The following WIPF1 variants were observed in gnomAD, a reference collection of about 807,000 sequenced individuals.
The protein encoded by WIPF1 is WAS/WASL interacting protein family member 1.
Under a neutral mutation model 35.4 loss-of-function variants are expected in WIPF1, and 13 were observed. The ratio of observed to expected loss-of-function variants is 0.37; its 90% confidence interval spans 0.24 to 0.58. WIPF1 has a LOEUF of 0.58. Ranked by LOEUF, WIPF1 falls within the 20% of genes least tolerant of loss-of-function variation. WIPF1 has a pLI of 0.74. For synonymous variants in WIPF1, 267 were observed against 266.3 expected, an observed-to-expected ratio of 1.00 and a Z score of -0.02; for missense variants, 591 against 667.0, an observed-to-expected ratio of 0.89 and a Z score of 1.25.
intron 1 of WIPF1, among the ~76,000 whole-genome samples, chr2:174,663,605 C>T (rs1182999025): frequency 6.6e-6 from 1 of 152,194 alleles, no homozygotes; most frequent in African/African-American, 2.4e-5. Context: ...GTTCCCCAAA[C>T]CCACTGGCAC....
chr2:174,583,352 G>A (rs1296540982), intron 2 of WIPF1, among the ~76,000 whole-genome samples: 1 of 152,206 alleles, frequency 6.6e-6, no homozygotes, highest in Admixed American at 6.5e-5. Context: ...GTTAAGTGAT[G>A]TGTCACACTG....
In WIPF1 at chr2:174,607,532, C is replaced by T. The variant is rs372921445; in HGVS notation, c.-38-21921G>A. On this transcript the variant is annotated intron_variant, in intron 1 of 8. Coordinates refer to the WIPF1 transcript ENST00000272746. ...TTCACGGACTCAAACACTTCAGTGG[C>T]TTTCCATTTTATACCAAGTAAAACC... Among the ~76,000 whole-genome samples, 164 of 152,332 alleles carry T rather than the reference C, an allele frequency of 1.1e-3. 5 individuals are homozygous for T. In the South Asian group the frequency reaches 0.034, roughly 31 times the overall value.
At chr2:174,614,582 C>A (rs945516137) in intron 1 of WIPF1, among the ~76,000 whole-genome samples, 6 of 152,090 alleles carry the variant, frequency 3.9e-5, no homozygotes, top group Admixed American at 1.3e-4. Context: ...GGCATTCTGA[C>A]GTGAAAGGTA....
rs1456155270 is a variant in WIPF1, at chr2:174,622,157, TTTG to T, written c.-38-36549_-38-36547del. Among the ~76,000 whole-genome samples the T allele has an allele frequency of 6.6e-6, 1 of 152,338 alleles. No individual in the cohort carries two copies. The highest frequency in any genetic ancestry group is 1.9e-4 in the East Asian group (1 of 5,190). On this transcript the variant is annotated intron_variant, in intron 1 of 8. Coordinates refer to the WIPF1 transcript ENST00000272746. This position sits in a 1 kb window ranked among gnomAD's most constrained non-coding sequence, Gnocchi z 5.1. ...ACCTGACTGAATTTAGAGCCATGAA[TTTG>T]TTATCTCTTAATGTGGATATATATC...
At chr2:174,619,502 C>T (rs1221661409) in intron 1 of WIPF1, among the ~76,000 whole-genome samples, 1 of 152,172 alleles carries the variant, frequency 6.6e-6, no homozygotes, top group Non-Finnish European at 1.5e-5. Flanking sequence ...TATCTTTATA[C>T]ACAAATCCTT....
chr2:174,593,582 A>G (rs1247599252), intron 1 of WIPF1, among the ~76,000 whole-genome samples: 2 of 152,246 alleles, frequency 1.3e-5, no homozygotes, highest in African/African-American at 4.8e-5. Context: ...GGATGTATTT[A>G]AGATCTGAAA....
upstream of WIPF1, among the ~76,000 whole-genome samples, chr2:174,598,650 C>T (rs1465320927): frequency 1.3e-5 from 2 of 152,082 alleles, no homozygotes; most frequent in Non-Finnish European, 2.9e-5. Context: ...GATTTTGGTG[C>T]CCAAGTCAGG....
At chr2:174,670,727 A>G (rs1175205175) in intron 1 of WIPF1, among the ~76,000 whole-genome samples, 1 of 152,238 alleles carries the variant, frequency 6.6e-6, no homozygotes, top group Non-Finnish European at 1.5e-5. Context: ...AGGAGGCTCA[A>G]CTAGCCATGG....
rs567721377 is a variant in WIPF1 at position 174,574,703 on chromosome 2, C to A, written c.358+501G>T. ...GCTCCCTGCAGAGACTCCTGAGAAC[C>A]ACTGGCACTGAAATACCAAATATCT... On this transcript the variant is annotated intron_variant, in intron 4 of 7. Transcript: ENST00000679041. 4 of 608,492 alleles carry A rather than the reference C, an allele frequency of 6.6e-6. No individual in the cohort carries two copies. In the East Asian group the frequency reaches 1.1e-4, roughly 17 times the overall value. The allele number at this position is 608,492 out of a possible 1,614,324, so 37.7% of individuals were successfully genotyped here. A position where few individuals can be genotyped will look rare whatever the true frequency, so the allele number is the denominator to read the frequency against.
Position 174,562,212 on chromosome 2 carries a change from CTGTAACAAATAAGCAGTGAA to C in WIPF1, c.*315_*334del. On this transcript the variant is annotated 3_prime_UTR_variant, in exon 8 of 8. Transcript: ENST00000679041. ...TCTCAGGGACTTTAATAATTACAGTCTGTAACAAATAAGCAGTGAATGTTTGAATTTGGTTGGTGGAAAGC... is the reference window on the plus strand; with the variant it reads ...TCTCAGGGACTTTAATAATTACAGTCTGTTTGAATTTGGTTGGTGGAAAGC... 1 of 1,549,778 alleles carries C rather than the reference CTGTAACAAATAAGCAGTGAA, an allele frequency of 6.5e-7. No individual in the cohort carries two copies. The highest frequency in any genetic ancestry group is 8.7e-7 in the Non-Finnish European group (1 of 1,146,570).
intron 1 of WIPF1, among the ~76,000 whole-genome samples, chr2:174,679,388 A>C (rs1688204713): frequency 6.6e-6 from 1 of 151,826 alleles, no homozygotes; most frequent in African/African-American, 2.4e-5. Context: ...GAATCACTTG[A>C]GCCTGGGAGG....
rs200376655 is a variant in WIPF1 at position 174,585,558 on chromosome 2, G to T, written c.16C>A (p.Pro6Thr). The change falls in exon 2 of 8, where the codon CCT becomes ACT. Residue 6 changes from proline to threonine, a missense_variant. Pro to Thr is a conservative substitution (Grantham distance 38). Around this residue, in one of 3 missense-constraint regions of WIPF1, gnomAD observed 471 missense variants for 501.1 expected, o/e 0.94. Transcript: ENST00000679041. MPVPP[P>T]PAPPPPPTFA... ...GTCGGGGGCGGCGGGGGTGCTGGAG[G>T]GGGAGGGACAGGCATCTTGGGCAGT... The T allele has an allele frequency of 1.2e-6, 2 of 1,612,048 alleles. No individual in the cohort carries two copies. The highest frequency in any genetic ancestry group is 1.1e-5 in the South Asian group (1 of 90,884).
At chr2:174,667,880 C>A (rs1687925548) in intron 1 of WIPF1, among the ~76,000 whole-genome samples, 1 of 152,194 alleles carries the variant, frequency 6.6e-6, no homozygotes, top group South Asian at 2.1e-4. Flanking sequence ...ATAAACTCCG[C>A]TAGTTTGATT....
At chr2:174,567,005 A>G (rs1314184478) in intron 7 of WIPF1, 65 bp downstream of exon 7, 3 of 1,506,602 alleles carry the variant, frequency 2.0e-6, no homozygotes, top group African/African-American at 1.4e-5. Flanking sequence ...GACTTTCTAT[A>G]TAGCCCGAGT....
At chr2:174,575,697 C>T (rs1227704144) in intron 3 of WIPF1, among the ~76,000 whole-genome samples, 1 of 152,174 alleles carries the variant, frequency 6.6e-6, no homozygotes, top group Non-Finnish European at 1.5e-5. Context: ...GATCTTCAGG[C>T]TGGGTGCAGT....
At chr2:174,640,394 A>G (rs1687272250) in intron 1 of WIPF1, among the ~76,000 whole-genome samples, 1 of 147,172 alleles carries the variant, frequency 6.8e-6, no homozygotes. Context: ...GATATACCTA[A>G]TGCTAAATGA....
At chr2:174,621,136 G>A (rs919538978) in intron 1 of WIPF1, among the ~76,000 whole-genome samples, 1 of 152,186 alleles carries the variant, frequency 6.6e-6, no homozygotes, top group South Asian at 2.1e-4. Flanking sequence ...GACTCTGAAG[G>A]CAGGAGCTTT....
At position 174,572,199 on chromosome 2, in the gene WIPF1, C is replaced by T. The variant is rs775147587; in HGVS notation, c.606G>A (p.Gly202=). The T allele has an allele frequency of 1.2e-6, 2 of 1,614,120 alleles. No individual in the cohort carries two copies. Among genetic ancestry groups the T allele is most frequent in the East Asian group, 2.2e-5 (1 of 44,874 alleles). Residue 202 remains glycine (G), a synonymous_variant, in exon 5 of 8, where the codon GGG becomes GGA. Coordinates refer to ENST00000679041, the MANE Select transcript of WIPF1 (RefSeq NM_001375834.1). ...RPIQSSPHNR[G]SPPVPGGPRQ... ...TGGGGCCTCCGGGCACTGGTGGGGACCCCCGGTTGTGCGGACTTGATTGAA... is the reference window on the plus strand; with the variant it reads ...TGGGGCCTCCGGGCACTGGTGGGGATCCCCGGTTGTGCGGACTTGATTGAA...
intron 4 of WIPF1, 87 bp from the exon 5 acceptor site, chr2:174,572,533 G>T: frequency 6.5e-7 from 1 of 1,549,010 alleles, no homozygotes. Context: ...GTGACTGGAA[G>T]TCCCTTCCTC....
Sources: allele counts gnomAD v4.1 joint callset (sites outside exome capture counted in the v4.1 genomes callset), GRCh38; gene constraint gnomAD v4.1.1; regional missense constraint gnomAD v4.1.1; non-coding constraint Gnocchi (gnomAD v3.1); transcripts MANE v1.5; gene names NCBI Gene and HGNC (gene_info 2026-07-23, HGNC 2026-07-21).